Variants in UBE2E2 observed in about 807,000 individuals in gnomAD.
UBE2E2 encodes ubiquitin-conjugating enzyme E2 E2.
Under a neutral mutation model 24.7 loss-of-function variants are expected in UBE2E2, and 6 were observed. The observed-to-expected ratio is 0.24, with a 90% CI of 0.13 to 0.48. UBE2E2 has a LOEUF of 0.48. Among genes scored for constraint, UBE2E2 ranks in the 20% least tolerant of loss-of-function variants. The pLI, the probability that UBE2E2 is intolerant of heterozygous loss-of-function variation, is 0.99. For missense variants in UBE2E2, 169 were observed against 245.0 expected, an observed-to-expected ratio of 0.69 and a Z score of 2.07; for synonymous variants, 104 against 83.6, an observed-to-expected ratio of 1.24 and a Z score of -1.33.
Position 23,477,835 on chromosome 3 carries a change from A to G in UBE2E2, c.228-21773A>G, listed in dbSNP as rs145685203. Among the ~76,000 whole-genome samples, 837 of 152,310 alleles carry G rather than the reference A, an allele frequency of 5.5e-3. 8 individuals carry two copies. Among genetic ancestry groups the G allele is most frequent in the African/African-American group, 0.019 (797 of 41,578 alleles). ...GAACCCAGTGGGAGGTGATTGGATC[A>G]TGGGGGCAGTTTCCCTCATGCTGTT... is the stretch of plus-strand genomic sequence containing the variant. On this transcript the variant is annotated intron_variant, in intron 3 of 5. Transcript: ENST00000396703.
At position 23,573,896 on chromosome 3, in the gene UBE2E2, C is replaced by G. The variant is rs372506249; in HGVS notation, c.509-15838C>G. Among the ~76,000 whole-genome samples the G allele has an allele frequency of 1.2e-4, 18 of 152,198 alleles. No individual in the cohort carries two copies. In the East Asian group the frequency reaches 2.7e-3, roughly 23 times the overall value. ...ACAAAAGGGTAAAGTCTTCTCAACTCCTAGACTTAAAAACTTAGCTGATGA... is the reference window on the plus strand; with the variant it reads ...ACAAAAGGGTAAAGTCTTCTCAACTGCTAGACTTAAAAACTTAGCTGATGA... On this transcript the variant is annotated intron_variant, in intron 5 of 5. Coordinates refer to ENST00000396703, the MANE Select transcript of UBE2E2 (RefSeq NM_152653.4).
chr3:23,376,868 G>T (rs1202869912), intron 3 of UBE2E2, among the ~76,000 whole-genome samples: 1 of 152,174 alleles, frequency 6.6e-6, no homozygotes, highest in Non-Finnish European at 1.5e-5. Context: ...TATGAGTTCT[G>T]ATAAGGTGTG....
At chr3:23,560,035 A>G (rs1479259005) in intron 5 of UBE2E2, among the ~76,000 whole-genome samples, 1 of 151,968 alleles carries the variant, frequency 6.6e-6, no homozygotes, top group Non-Finnish European at 1.5e-5. Flanking sequence ...TGGGGCTAGA[A>G]ATATCTTTCT....
At chr3:23,371,846 C>T (rs1285626879) in intron 3 of UBE2E2, among the ~76,000 whole-genome samples, 2 of 151,972 alleles carry the variant, frequency 1.3e-5, no homozygotes, top group Admixed American at 6.6e-5. Context: ...GACTGGGCAC[C>T]GTGGCTTATG....
At chr3:23,542,112 C>G (rs536351366) in intron 5 of UBE2E2, among the ~76,000 whole-genome samples, 1 of 152,138 alleles carries the variant, frequency 6.6e-6, no homozygotes. Context: ...TGAATAACCC[C>G]GCATCACTGG....
At chr3:23,261,068 A>C (rs565755656) in intron 3 of UBE2E2, among the ~76,000 whole-genome samples, 62 of 152,022 alleles carry the variant, frequency 4.1e-4, no homozygotes, top group Non-Finnish European at 7.5e-4. Flanking sequence ...GTGCCACTGC[A>C]CTCCAGCCTG....
intron 3 of UBE2E2, among the ~76,000 whole-genome samples, chr3:23,384,350 G>T (rs1291668655): frequency 1.3e-5 from 2 of 151,666 alleles, no homozygotes; most frequent in Middle Eastern, 3.5e-3. Context: ...TTTCTGTAGA[G>T]TTGGGGTTTC....
intron 3 of UBE2E2, among the ~76,000 whole-genome samples, chr3:23,492,726 T>A (rs1699524565): frequency 6.6e-6 from 1 of 152,142 alleles, no homozygotes; most frequent in South Asian, 2.1e-4. Context: ...TTTTCAGCAT[T>A]TGATATGTTC....
chr3:23,294,234 A>G (rs1001284527), intron 3 of UBE2E2, among the ~76,000 whole-genome samples: 2 of 152,232 alleles, frequency 1.3e-5, no homozygotes, highest in Non-Finnish European at 2.9e-5. Flanking sequence ...TATTCATAAC[A>G]AAGATAGATA....
intron 3 of UBE2E2, among the ~76,000 whole-genome samples, chr3:23,359,828 ATAATTGAATGAAATATGAACTAGCTTTC>A (rs1348306824): frequency 1.4e-4 from 22 of 152,324 alleles, no homozygotes; most frequent in Admixed American, 5.2e-4. Flanking sequence ...TGAAACATAG[ATAATTGAATGAAATATGAACTAGCTTTC>A]TAATTGAATG....
At chr3:23,567,306 A>G (rs1383443927) in intron 5 of UBE2E2, among the ~76,000 whole-genome samples, 1 of 152,184 alleles carries the variant, frequency 6.6e-6, no homozygotes, top group Non-Finnish European at 1.5e-5. Flanking sequence ...GGGGTAGGGG[A>G]GAAGCACTGT....
intron 3 of UBE2E2, among the ~76,000 whole-genome samples, chr3:23,348,347 C>CAAAAAAAAAAAAAAAAAAAAAAAA (rs35038477): frequency 8.2e-6 from 1 of 121,968 alleles, no homozygotes; most frequent in East Asian, 2.5e-4. Context: ...GTGCTGCTTT[C>CAAAAAAAAAAAAAAAAAAAAAAAA]AAAAAAAAAA....
chr3:23,281,248 A>C (rs574446375), intron 3 of UBE2E2, among the ~76,000 whole-genome samples: 2 of 152,344 alleles, frequency 1.3e-5, no homozygotes, highest in East Asian at 3.9e-4. Context: ...TGTTTGTTTT[A>C]GATATAACTA....
chr3:23,244,325 T>C (rs912014569), intron 3 of UBE2E2, among the ~76,000 whole-genome samples: 42 of 151,450 alleles, frequency 2.8e-4, no homozygotes, highest in Admixed American at 2.5e-3. Flanking sequence ...ATACATTATT[T>C]ATATATAAAG....
intron 3 of UBE2E2, among the ~76,000 whole-genome samples, chr3:23,365,121 C>T (rs759597682): frequency 1.3e-5 from 2 of 152,150 alleles, no homozygotes; most frequent in Non-Finnish European, 2.9e-5. Context: ...AAGTAATGTA[C>T]TTCAAAATAA....
At chr3:23,467,415 A>C (rs1483335639) in intron 3 of UBE2E2, among the ~76,000 whole-genome samples, 3 of 151,976 alleles carry the variant, frequency 2.0e-5, no homozygotes, top group African/African-American at 7.3e-5. Context: ...TTGGAATCCA[A>C]CTCGCTTGGT....
intron 3 of UBE2E2, among the ~76,000 whole-genome samples, chr3:23,345,199 A>T (rs1164721596): frequency 1.3e-5 from 2 of 152,220 alleles, no homozygotes; most frequent in Non-Finnish European, 2.9e-5. Context: ...TTATAAGCTG[A>T]GTATAACTAT....
chr3:23,296,432 A>G (rs1381810545), intron 3 of UBE2E2, among the ~76,000 whole-genome samples: 2 of 152,120 alleles, frequency 1.3e-5, no homozygotes, highest in African/African-American at 2.4e-5. Flanking sequence ...GTCATTTACC[A>G]TTAGGTATAT....
At chr3:23,475,918 A>G (rs140429300) in intron 3 of UBE2E2, among the ~76,000 whole-genome samples, 3 of 152,124 alleles carry the variant, frequency 2.0e-5, no homozygotes, top group African/African-American at 7.3e-5. Flanking sequence ...TTCTTACACT[A>G]AAGACAGCTA....
Sources: gnomAD v4.1 joint callset for allele counts (sites outside exome capture counted in the v4.1 genomes callset) on GRCh38, gnomAD v4.1.1 for gene constraint, MANE v1.5 for transcripts, NCBI Gene and HGNC (gene_info 2026-07-23, HGNC 2026-07-21) for gene names.